The following AGMO variants were observed in gnomAD, a reference collection of about 807,000 sequenced individuals.
AGMO encodes the protein alkylglycerol monooxygenase.
AGMO carries 75 observed loss-of-function variants against 60.2 expected under a neutral mutation model. That is an observed-to-expected ratio of 1.25 (90% CI 1.03 to 1.51). The LOEUF (loss-of-function observed/expected upper bound fraction) is 1.51, where lower values mean the gene tolerates loss of function less well. AGMO is among the 40% of genes most tolerant of loss of function. AGMO has a pLI of 0.00. For missense variants in AGMO, 763 were observed against 525.5 expected (o/e 1.45, Z -4.42); for synonymous variants, 261 against 177.1 (o/e 1.47, Z -3.76).
At chr7:15,531,562 T>C (rs1284249980) in intron 3 of AGMO, among the ~76,000 whole-genome samples, 1 of 100,260 alleles carries the variant, frequency 1.0e-5, no homozygotes, top group Non-Finnish European at 1.9e-5. Flanking sequence ...ATATATATTC[T>C]CTATATATTC....
At chr7:15,211,664 A>G (rs1159370724) in intron 12 of AGMO, among the ~76,000 whole-genome samples, 1 of 151,958 alleles carries the variant, frequency 6.6e-6, no homozygotes, top group African/African-American at 2.4e-5. Flanking sequence ...AATAATTTCT[A>G]AAGATCCTCC....
intron 8 of AGMO, among the ~76,000 whole-genome samples, chr7:15,389,149 G>A (rs1483422257): frequency 6.6e-6 from 1 of 152,162 alleles, no homozygotes; most frequent in Non-Finnish European, 1.5e-5. Context: ...CCCATCAACT[G>A]GCAGCACTGG....
At chr7:15,503,516 G>T (rs535159851) in intron 3 of AGMO, among the ~76,000 whole-genome samples, 2 of 151,870 alleles carry the variant, frequency 1.3e-5, no homozygotes, top group Non-Finnish European at 2.9e-5. Context: ...TGTAGCAGAA[G>T]AAAAACAGAA....
chr7:15,232,976 G>A (rs1782302431), intron 12 of AGMO, among the ~76,000 whole-genome samples: 1 of 152,132 alleles, frequency 6.6e-6, no homozygotes, highest in Admixed American at 6.6e-5. Context: ...GCATTTTAAA[G>A]AGTAAACAGA....
At chr7:15,436,153 T>G (rs1781397712) in intron 3 of AGMO, among the ~76,000 whole-genome samples, 2 of 152,220 alleles carry the variant, frequency 1.3e-5, no homozygotes, top group South Asian at 4.1e-4. Context: ...TTGCTAGCAC[T>G]TTATGCAACA....
intron 4 of AGMO, among the ~76,000 whole-genome samples, chr7:15,425,069 T>A (rs114754508): frequency 0.013 from 2,017 of 152,272 alleles, 34 homozygotes; most frequent in African/African-American, 0.042. Flanking sequence ...ATACTTGATA[T>A]GTTTCAGAGA....
intron 3 of AGMO, among the ~76,000 whole-genome samples, chr7:15,488,508 T>A (rs1181017421): frequency 6.6e-6 from 1 of 152,184 alleles, no homozygotes; most frequent in Non-Finnish European, 1.5e-5. Context: ...CTTGGCATTG[T>A]CTAGTTAATT....
chr7:15,270,329 AGAT>A (rs1424855890), intron 12 of AGMO, among the ~76,000 whole-genome samples: 12 of 152,116 alleles, frequency 7.9e-5, no homozygotes, highest in East Asian at 3.9e-4. Flanking sequence ...GAATGGTATG[AGAT>A]GATATCATAT....
chr7:15,557,668 G>A (rs1785182937), intron 2 of AGMO, among the ~76,000 whole-genome samples: 1 of 151,788 alleles, frequency 6.6e-6, no homozygotes, highest in South Asian at 2.1e-4. Context: ...ACAAAAAAAT[G>A]CATTTTCAGA....
At chr7:15,414,359 G>A (rs1326666724) in intron 5 of AGMO, among the ~76,000 whole-genome samples, 1 of 152,046 alleles carries the variant, frequency 6.6e-6, no homozygotes, top group Non-Finnish European at 1.5e-5. Context: ...TAAAAGGTTG[G>A]GAGGGCTTAG....
At chr7:15,222,129 T>C (rs1162614414) in intron 12 of AGMO, among the ~76,000 whole-genome samples, 1 of 152,112 alleles carries the variant, frequency 6.6e-6, no homozygotes, top group Non-Finnish European at 1.5e-5. Flanking sequence ...TTAGTCCAAC[T>C]TGCTACTTTT....
the AGMO span, among the ~76,000 whole-genome samples, chr7:15,145,978 G>A: frequency 3.3e-5 from 5 of 152,178 alleles, no homozygotes; most frequent in East Asian, 1.9e-4. Context: ...AAATGTTTAC[G>A]CAATTATGTT....
chr7:15,354,500 A>ATACGCGTGTG (rs1465306839), intron 12 of AGMO, among the ~76,000 whole-genome samples: 1 of 15,716 alleles, frequency 6.4e-5, no homozygotes, highest in Non-Finnish European at 1.1e-4. Flanking sequence ...ACACGTGTAT[A>ATACGCGTGTG]TATATATATA....
intron 12 of AGMO, among the ~76,000 whole-genome samples, chr7:15,248,867 C>A (rs1782847641): frequency 6.6e-6 from 1 of 152,168 alleles, no homozygotes; most frequent in Non-Finnish European, 1.5e-5. Flanking sequence ...TTCTACAACG[C>A]CAATCACTGC....
At chr7:15,454,203 C>G (rs1781934023) in intron 3 of AGMO, among the ~76,000 whole-genome samples, 1 of 151,826 alleles carries the variant, frequency 6.6e-6, no homozygotes, top group Admixed American at 6.6e-5. Context: ...AAAAAAGAAA[C>G]ACACACTAAC....
At chr7:15,349,401 A>G (rs1440170883) in intron 12 of AGMO, among the ~76,000 whole-genome samples, 2 of 152,032 alleles carry the variant, frequency 1.3e-5, no homozygotes, top group African/African-American at 2.4e-5. Flanking sequence ...ATTTTTTTAG[A>G]TTGACTTTAT....
rs1181410197 is a variant in AGMO at position 15,216,833 on chromosome 7, A to AGTGTGTGTGTGT, written c.1264-15486_1264-15475dup. ...GTGCAAGAAACAAAGTGAAAGAAAA[A>AGTGTGTGTGTGT]GTGTGTGTGTGTGTGTGTGTGTGTG... On this transcript the variant is annotated intron_variant, in intron 12 of 12. Transcript: ENST00000342526. 5.3e-3 allele frequency among the ~76,000 whole-genome samples: 774 copies of AGTGTGTGTGTGT among 147,096 alleles called. 7 individuals are homozygous for AGTGTGTGTGTGT. Among genetic ancestry groups the AGTGTGTGTGTGT allele is most frequent in the South Asian group, 0.017 (77 of 4,576 alleles).
At chr7:15,244,269 G>A (rs1456138650) in intron 12 of AGMO, among the ~76,000 whole-genome samples, 1 of 152,164 alleles carries the variant, frequency 6.6e-6, no homozygotes, top group Non-Finnish European at 1.5e-5. Context: ...AGAACCAGGT[G>A]ATGATCTGCT....
chr7:15,187,641 T>C, the AGMO span, among the ~76,000 whole-genome samples: 1 of 152,098 alleles, frequency 6.6e-6, no homozygotes, highest in African/African-American at 2.4e-5. Flanking sequence ...AGTGTGCAAT[T>C]AATATGTGTA....
Sources: allele counts gnomAD v4.1 joint callset (sites outside exome capture counted in the v4.1 genomes callset), GRCh38; gene constraint gnomAD v4.1.1; transcripts MANE v1.5; gene names NCBI Gene and HGNC (gene_info 2026-07-23, HGNC 2026-07-21).